The following PFKFB3 variants were observed in gnomAD, a reference collection of about 807,000 sequenced individuals.
PFKFB3 encodes 6-phosphofructo-2-kinase/fructose-2,6-biphosphatase 3, also known as 6-phosphofructo-2-kinase/fructose-2,6-bisphosphatase 3.
In PFKFB3, 33 loss-of-function variants were observed where a neutral mutation model predicts 68.0. The observed-to-expected ratio is 0.49, with a 90% confidence interval of 0.37 to 0.65. The LOEUF (loss-of-function observed/expected upper bound fraction) is 0.65. Among genes scored for constraint, PFKFB3 ranks in the 30% least tolerant of loss-of-function variants. The pLI is 0.00. For synonymous variants in PFKFB3, 315 were observed against 288.2 expected, an observed-to-expected ratio of 1.09 and a Z score of -0.94; for missense variants, 586 against 712.2, an observed-to-expected ratio of 0.82 and a Z score of 2.02.
At chr10:6,242,966 C>T (rs913470536) in intron 14 of PFKFB3, among the ~76,000 whole-genome samples, 1 of 152,184 alleles carries the variant, frequency 6.6e-6, no homozygotes, top group Admixed American at 6.5e-5. Flanking sequence ...TTAGTTTTTC[C>T]AGTGAGGCTT....
At chr10:6,176,837 C>A (rs570698788) in intron 1 of PFKFB3, among the ~76,000 whole-genome samples, 13 of 152,264 alleles carry the variant, frequency 8.5e-5, no homozygotes, top group East Asian at 7.7e-4. Flanking sequence ...TGGATGAGAT[C>A]GTGGTTTTCA....
At chr10:6,174,689 C>G (rs920345779) in intron 1 of PFKFB3, among the ~76,000 whole-genome samples, 1 of 152,252 alleles carries the variant, frequency 6.6e-6, no homozygotes. Flanking sequence ...GAGGAAGGTG[C>G]GCTCTGGTGG....
At chr10:6,319,967 G>A in the PFKFB3 span, among the ~76,000 whole-genome samples, 2 of 152,186 alleles carry the variant, frequency 1.3e-5, no homozygotes, top group Non-Finnish European at 2.9e-5. Context: ...GGGAGGCTGA[G>A]GCAGGAGGAT....
chr10:6,205,388 CTTTTTTTTTTT>C (rs3084014), intron 1 of PFKFB3, among the ~76,000 whole-genome samples: 55 of 106,520 alleles, frequency 5.2e-4, no homozygotes, highest in African/African-American at 2.0e-3. Context: ...TTCTTTCTTC[CTTTTTTTTTTT>C]TTTTTTTTTT....
chr10:6,149,206 C>G (rs1251851833), intron 1 of PFKFB3, among the ~76,000 whole-genome samples: 1 of 152,214 alleles, frequency 6.6e-6, no homozygotes, highest in Non-Finnish European at 1.5e-5. Flanking sequence ...AATCCTATAA[C>G]AATGTCTTCA....
chr10:6,267,333 A>G, the PFKFB3 span, among the ~76,000 whole-genome samples: 1 of 152,250 alleles, frequency 6.6e-6, no homozygotes, highest in Non-Finnish European at 1.5e-5. Flanking sequence ...GTACGTACTA[A>G]TGAGTGAGGA....
chr10:6,318,002 G>A, the PFKFB3 span, among the ~76,000 whole-genome samples: 1 of 152,232 alleles, frequency 6.6e-6, no homozygotes, highest in Admixed American at 6.5e-5. Context: ...GAAGCAGCAT[G>A]TGGTTGTGAT....
At chr10:6,167,511 T>C (rs1204626906) in intron 1 of PFKFB3, among the ~76,000 whole-genome samples, 1 of 152,256 alleles carries the variant, frequency 6.6e-6, no homozygotes, top group Non-Finnish European at 1.5e-5. Flanking sequence ...TAACACATTT[T>C]AAGCCATTTT....
At chr10:6,162,671 A>C (rs1006100561) in intron 1 of PFKFB3, among the ~76,000 whole-genome samples, 3 of 152,340 alleles carry the variant, frequency 2.0e-5, no homozygotes, top group Admixed American at 2.0e-4. Context: ...CATTCCTGAC[A>C]TACTCAATTG....
chr10:6,182,944 C>A (rs2070321808), intron 1 of PFKFB3, among the ~76,000 whole-genome samples: 1 of 152,170 alleles, frequency 6.6e-6, no homozygotes, highest in Non-Finnish European at 1.5e-5. Context: ...GCCCCACAGA[C>A]CCACCTGTCG....
At chr10:6,156,650 G>A (rs1423984749) in intron 1 of PFKFB3, among the ~76,000 whole-genome samples, 1 of 148,952 alleles carries the variant, frequency 6.7e-6, no homozygotes, top group Non-Finnish European at 1.5e-5. Flanking sequence ...ACCATGCCCG[G>A]CTAATTTTTG....
intron 1 of PFKFB3, among the ~76,000 whole-genome samples, chr10:6,209,306 C>T (rs1172819892): frequency 6.6e-6 from 1 of 152,106 alleles, no homozygotes; most frequent in African/African-American, 2.4e-5. Flanking sequence ...ATCTGTGTTC[C>T]CCCAGGCATG....
Position 6,154,298 on chromosome 10 carries a change from T to A in PFKFB3, c.16+9285T>A, listed in dbSNP as rs1373199539. 6.6e-6 allele frequency among the ~76,000 whole-genome samples: 1 copy of A among 150,526 alleles called. No individual in the cohort carries two copies. The highest frequency in any genetic ancestry group is 1.5e-5 in the Non-Finnish European group (1 of 67,740). On this transcript the variant is annotated intron_variant, in intron 1 of 14. Transcript: ENST00000379789. The surrounding 1 kb of genome is among the most constrained non-coding windows in gnomAD (Gnocchi z 4.6). ...TCCCACTCTGTTGGCCAGGCTGGAG[T>A]GCAGTGGCGCGTTCTCGGCTCACTG... is the stretch of plus-strand genomic sequence containing the variant.
At chr10:6,293,905 A>G in the PFKFB3 span, 2 of 467,260 alleles carry the variant, frequency 4.3e-6, no homozygotes, top group Non-Finnish European at 8.6e-6. Flanking sequence ...ACCATTATCT[A>G]TTGATTTAAG....
intron 1 of PFKFB3, among the ~76,000 whole-genome samples, chr10:6,180,743 T>C (rs750406628): frequency 6.6e-6 from 1 of 152,194 alleles, no homozygotes; most frequent in Non-Finnish European, 1.5e-5. Flanking sequence ...AGATTACAGG[T>C]GCAAGCCACC....
At chr10:6,167,064 C>T (rs997271535) in intron 1 of PFKFB3, among the ~76,000 whole-genome samples, 1 of 152,184 alleles carries the variant, frequency 6.6e-6, no homozygotes, top group Non-Finnish European at 1.5e-5. Context: ...AGGTGATGGG[C>T]CCGCCTCGGC....
At chr10:6,175,887 C>G (rs1439642394) in intron 1 of PFKFB3, among the ~76,000 whole-genome samples, 1 of 152,242 alleles carries the variant, frequency 6.6e-6, no homozygotes, top group South Asian at 2.1e-4. Flanking sequence ...CTCACACCAA[C>G]TCTCATATCA....
chr10:6,248,511 C>T (rs1015904370), intron 14 of PFKFB3, among the ~76,000 whole-genome samples: 2 of 151,652 alleles, frequency 1.3e-5, no homozygotes, highest in Admixed American at 6.6e-5. Flanking sequence ...TGTCTATAAT[C>T]CCAGCTACTC....
chr10:6,162,075 A>G (rs1255763177), intron 1 of PFKFB3, among the ~76,000 whole-genome samples: 1 of 152,228 alleles, frequency 6.6e-6, no homozygotes, highest in Non-Finnish European at 1.5e-5. Context: ...CCTGGCAGCC[A>G]CCATTCTTTC....
Sources: allele counts gnomAD v4.1 joint callset (sites outside exome capture counted in the v4.1 genomes callset), GRCh38; gene constraint gnomAD v4.1.1; non-coding constraint Gnocchi (gnomAD v3.1); transcripts MANE v1.5; gene names NCBI Gene and HGNC (gene_info 2026-07-23, HGNC 2026-07-21).